C9orf152: variants seen among roughly 807,000 people sequenced by gnomAD.
C9orf152 encodes the protein chromosome 9 open reading frame 152.
A neutral mutation model predicts 8.5 loss-of-function variants in C9orf152; 8 were observed. The observed-to-expected ratio is 0.94, with a 90% CI of 0.55 to 1.70. C9orf152 has a LOEUF of 1.70. Ranked by LOEUF, C9orf152 falls within the 40% of genes most tolerant of loss-of-function variation. The pLI is 0.00. For synonymous variants in C9orf152, 109 were observed against 113.0 expected (o/e 0.96, Z 0.22); for missense variants, 293 against 286.2 (o/e 1.02, Z -0.17).
At position 110,201,020 on chromosome 9, in the gene C9orf152, A is replaced by C; in HGVS notation, c.648T>G (p.Tyr216Ter). The C allele has an allele frequency of 6.2e-7, 1 of 1,614,158 alleles. No homozygotes were observed. Residue 216 changes from tyrosine (Y) to a stop codon, truncating the protein, a stop_gained, in exon 2 of 2, where the codon TAT becomes TAG. Transcript: ENST00000400613. LOFTEE classifies it high-confidence loss of function. ...TGGGTGTTTTCCTCTGGGGAAATGG[A>C]TAGTAAGCTGGTTTGCCAGACCTGT... Reference protein sequence around the residue: ...NPHRSGKPAYYPFPQRKTPRI... With the variant: ...NPHRSGKPAY
intron 1 of C9orf152, among the ~76,000 whole-genome samples, chr9:110,205,825 G>T (rs1001778736): frequency 6.6e-6 from 1 of 152,056 alleles, no homozygotes; most frequent in East Asian, 1.9e-4. Context: ...AGGTCGAGGT[G>T]GGTGGATCAC....
In C9orf152 at chr9:110,207,733, G is replaced by T; in HGVS notation, c.-154C>A. On this transcript the variant is annotated 5_prime_UTR_variant, in exon 1 of 2. Transcript: ENST00000400613. ...AGGAAGGAGATAGAAAAATAAGGGG[G>T]AAGGAGAAAGATGAAGGGGAAGAGG... 1 of 556,720 alleles carries T rather than the reference G, an allele frequency of 1.8e-6. No individual in the cohort carries two copies. Among genetic ancestry groups the T allele is most frequent in the Non-Finnish European group, 3.1e-6 (1 of 326,356 alleles). 34.5% of individuals were successfully genotyped at this position (556,720 alleles called of 1,614,324 possible). A position where few individuals can be genotyped will look rare whatever the true frequency, so the allele number is the denominator to read the frequency against.
At chr9:110,206,992 C>A (rs1413719609) in intron 1 of C9orf152, among the ~76,000 whole-genome samples, 1 of 152,208 alleles carries the variant, frequency 6.6e-6, no homozygotes, top group Non-Finnish European at 1.5e-5. Flanking sequence ...CCAGACAGTT[C>A]CCAGGCTGTT....
At position 110,207,462 on chromosome 9, in the gene C9orf152, G is replaced by A; in HGVS notation, c.118C>T (p.Gln40Ter). The change falls in exon 1 of 2, where the codon CAG becomes TAG. Residue 40 changes from glutamine (Q) to a stop codon, truncating the protein, a stop_gained. Transcript: ENST00000400613. LOFTEE classifies it high-confidence loss of function. ...APGKGPPLSI[Q>*]FLRAQYEGLK... ...CCTTCATACTGGGCTCGCAGGAACT[G>A]GATGCTGAGTGGGGGCCCTTTCCCA... 1 of 1,613,452 alleles carries A rather than the reference G, an allele frequency of 6.2e-7. No individual in the cohort carries two copies. Among genetic ancestry groups the A allele is most frequent in the South Asian group, 1.1e-5 (1 of 90,956 alleles).
intron 1 of C9orf152, among the ~76,000 whole-genome samples, chr9:110,205,952 A>G (rs1294828032): frequency 6.6e-6 from 1 of 152,006 alleles, no homozygotes; most frequent in African/African-American, 2.4e-5. Context: ...GCTACTCAGG[A>G]GGCTGAGGCA....
rs1837298500 is a variant in C9orf152, at chr9:110,208,098, AG to A, written c.-520del. ...AGGTCCTTCCATTGCTTGATCCTAA[AG>A]TTTAGAATCCAATTCCCAGTGCCAC... On this transcript the variant is annotated 5_prime_UTR_variant, in exon 1 of 2. Coordinates refer to ENST00000400613, the MANE Select transcript of C9orf152 (RefSeq NM_001012993.3). The A allele has an allele frequency of 6.5e-6, 1 of 153,590 alleles. No individual in the cohort carries two copies. The allele number at this position is 153,590 out of a possible 1,614,324, so 9.5% of individuals were successfully genotyped here. A position where few individuals can be genotyped will look rare whatever the true frequency, so the allele number is the denominator to read the frequency against.
rs775973949 is a variant in C9orf152 at position 110,207,382 on chromosome 9, C to A, written c.193+5G>T. ...TCTCCTTCCCCAGCACCTGTCCATTCCTACCTTTTGGAAGCACCAGGAGGT... is the reference window on the plus strand; with the variant it reads ...TCTCCTTCCCCAGCACCTGTCCATTACTACCTTTTGGAAGCACCAGGAGGT... On this transcript the variant is annotated splice_donor_5th_base_variant and intron_variant, in intron 1 of 1. Transcript: ENST00000400613. 2 of 1,611,916 alleles carry A rather than the reference C, an allele frequency of 1.2e-6. No homozygotes were observed. The highest frequency in any genetic ancestry group is 1.7e-5 in the Admixed American group (1 of 59,608).
chr9:110,202,146 T>A (rs1329113340), intron 1 of C9orf152, among the ~76,000 whole-genome samples: 1 of 152,146 alleles, frequency 6.6e-6, no homozygotes, highest in African/African-American at 2.4e-5. Context: ...AGTGGTGCAA[T>A]CTTGGCTCAC....
chr9:110,201,009 T>C lies in C9orf152; in HGVS notation c.659A>G (p.Gln220Arg), dbSNP rs1837210163. Reference sequence around the variant, plus strand: ...TTGGGAGATCCTGGGTGTTTTCCTCTGGGGAAATGGATAGTAAGCTGGTTT... The same window carrying C: ...TTGGGAGATCCTGGGTGTTTTCCTCCGGGGAAATGGATAGTAAGCTGGTTT... ...SGKPAYYPFPQRKTPRISQAA... is the reference protein window; with the variant it reads ...SGKPAYYPFPRRKTPRISQAA... Residue 220 changes from glutamine to arginine, a missense_variant, in exon 2 of 2, where the codon CAG becomes CGG. Physicochemically the swap from Gln to Arg is conservative, Grantham distance 43. Coordinates refer to ENST00000400613, the MANE Select transcript of C9orf152 (RefSeq NM_001012993.3). 1 of 1,614,180 alleles carries C rather than the reference T, an allele frequency of 6.2e-7. No individual in the cohort carries two copies. The highest frequency in any genetic ancestry group is 2.2e-5 in the East Asian group (1 of 44,884).
intron 1 of C9orf152, among the ~76,000 whole-genome samples, chr9:110,202,939 C>G (rs556419805): frequency 7.9e-5 from 12 of 151,940 alleles, no homozygotes; most frequent in African/African-American, 2.9e-4. Context: ...TCTAGTGTGA[C>G]TCAAGATTTG....
chr9:110,207,638 A>G lies in C9orf152; in HGVS notation c.-59T>C. 7.6e-7 allele frequency: 1 copy of G among 1,318,778 alleles called. No individual in the cohort carries two copies. The highest frequency in any genetic ancestry group is 1.0e-6 in the Non-Finnish European group (1 of 984,364). The allele number at this position is 1,318,778 out of a possible 1,614,324, so 81.7% of individuals were successfully genotyped here. On this transcript the variant is annotated 5_prime_UTR_variant, in exon 1 of 2. Transcript: ENST00000400613. Reference sequence around the variant, plus strand: ...GGGGCAGGACCTGGGGAGGGGAGAGAGAGGGAGGGGGCAGTGAGGGAGAAG... The same window carrying G: ...GGGGCAGGACCTGGGGAGGGGAGAGGGAGGGAGGGGGCAGTGAGGGAGAAG...
At chr9:110,201,602 G>A in intron 1 of C9orf152, 128 bp from the exon 2 acceptor site, 1 of 633,562 alleles carries the variant, frequency 1.6e-6, no homozygotes, top group Non-Finnish European at 2.6e-6. Context: ...TTTCATGTGT[G>A]TACATGTGTA....
rs547928918 is a variant in C9orf152, at chr9:110,200,964, A to T, written c.704T>A (p.Leu235Ter). The change falls in exon 2 of 2, where the codon TTA (leucine) becomes TAA (stop). Residue 235 changes from leucine (L) to a stop codon, truncating the protein, a stop_gained. Transcript: ENST00000400613. LOFTEE classifies it high-confidence loss of function. ...TAGAAAGCTTCACGCTGAGCCATAT[A>T]AGCCCAGGTTCCGGGCAGCTTGGGA... Reference protein sequence around the residue: ...RISQAARNLGLYGSA With the variant: ...RISQAARNLG 1 of 1,610,578 alleles carries T rather than the reference A, an allele frequency of 6.2e-7. No homozygotes were observed. Among genetic ancestry groups the T allele is most frequent in the African/African-American group, 1.3e-5 (1 of 74,914 alleles).
intron 1 of C9orf152, 63 bp downstream of exon 1, chr9:110,207,324 C>A (rs1195298543): frequency 1.3e-6 from 2 of 1,549,858 alleles, no homozygotes; most frequent in Admixed American, 1.9e-5. Flanking sequence ...TGCCTCCCTG[C>A]AGCTCTGCCA....
At position 110,207,648 on chromosome 9, in the gene C9orf152, G is replaced by T; in HGVS notation, c.-69C>A. 1 of 1,219,588 alleles carries T rather than the reference G, an allele frequency of 8.2e-7. No homozygotes were observed. Among genetic ancestry groups the T allele is most frequent in the Non-Finnish European group, 1.1e-6 (1 of 899,988 alleles). 75.5% of individuals were successfully genotyped at this position (1,219,588 alleles called of 1,614,324 possible). The stretch of plus-strand genomic sequence containing the variant: ...CTGGGGAGGGGAGAGAGAGGGAGGG[G>T]GCAGTGAGGGAGAAGGAGAAGTGAC... On this transcript the variant is annotated 5_prime_UTR_variant, in exon 1 of 2. Coordinates refer to ENST00000400613, the MANE Select transcript of C9orf152 (RefSeq NM_001012993.3).
At chr9:110,203,256 C>A (rs550199317) in intron 1 of C9orf152, among the ~76,000 whole-genome samples, 1 of 152,072 alleles carries the variant, frequency 6.6e-6, no homozygotes, top group African/African-American at 2.4e-5. Context: ...ATTTCCTGAC[C>A]TTGTGATCCG....
At position 110,200,973 on chromosome 9, in the gene C9orf152, T is replaced by C; in HGVS notation, c.695A>G (p.Asn232Ser). 5.0e-6 allele frequency: 8 copies of C among 1,612,608 alleles called. No homozygotes were observed. Among genetic ancestry groups the C allele is most frequent in the Non-Finnish European group, 6.8e-6 (8 of 1,179,310 alleles). ...TCACGCTGAGCCATATAAGCCCAGGTTCCGGGCAGCTTGGGAGATCCTGGG... is the reference window on the plus strand; with the variant it reads ...TCACGCTGAGCCATATAAGCCCAGGCTCCGGGCAGCTTGGGAGATCCTGGG... The part of the protein sequence containing the change: ...KTPRISQAAR[N>S]LGLYGSA The change falls in exon 2 of 2, where the codon AAC becomes AGC. Residue 232 changes from asparagine to serine, a missense_variant. Transcript: ENST00000400613.
intron 1 of C9orf152, among the ~76,000 whole-genome samples, chr9:110,204,561 C>T (rs1268274836): frequency 4.6e-5 from 7 of 152,170 alleles, no homozygotes; most frequent in African/African-American, 1.7e-4. Context: ...ACCAGCTTGG[C>T]TTCATGACAT....
At chr9:110,206,857 C>CT (rs1409003088) in intron 1 of C9orf152, among the ~76,000 whole-genome samples, 3 of 152,330 alleles carry the variant, frequency 2.0e-5, no homozygotes, top group Admixed American at 2.0e-4. Context: ...ATCTGAGTTC[C>CT]TAAAGGGAGG....
Sources: allele counts gnomAD v4.1 joint callset (sites outside exome capture counted in the v4.1 genomes callset), GRCh38; gene constraint gnomAD v4.1.1; transcripts MANE v1.5; gene names NCBI Gene and HGNC (gene_info 2026-07-23, HGNC 2026-07-21).